THBS1: variants seen among roughly 807,000 people sequenced by gnomAD.
THBS1 encodes thrombospondin-1.
Under a neutral mutation model 126.1 loss-of-function variants are expected in THBS1, and 29 were observed. The ratio of observed to expected loss-of-function variants is 0.23; its 90% CI spans 0.17 to 0.31. The LOEUF is 0.31. THBS1 is among the 10% of genes least tolerant of loss of function. THBS1 has a pLI of 1.00. For synonymous variants in THBS1, 496 were observed against 577.8 expected, an observed-to-expected ratio of 0.86 and a Z score of 2.03; for missense variants, 1,198 against 1,545.2, an observed-to-expected ratio of 0.78 and a Z score of 3.77.
At position 39,582,270 on chromosome 15, in the gene THBS1, G is replaced by C; in HGVS notation, c.145G>C (p.Val49Leu). Reference protein sequence around the residue: ...AARKGSGRRLVKGPDPSSPAF... With the variant: ...AARKGSGRRLLKGPDPSSPAF... Reference sequence around the variant, plus strand: ...CCGCAAGGGGTCTGGGCGCCGACTGGTGAAGGGCCCCGACCCTTCCAGCCC... The same window carrying C: ...CCGCAAGGGGTCTGGGCGCCGACTGCTGAAGGGCCCCGACCCTTCCAGCCC... The change falls in exon 3 of 22, where the codon GTG becomes CTG. Residue 49 changes from valine (V) to leucine (L), a missense_variant. Physicochemically the swap from Val to Leu is conservative, Grantham distance 32. Coordinates refer to ENST00000260356, the MANE Select transcript of THBS1 (RefSeq NM_003246.4). 1 of 1,614,162 alleles carries C rather than the reference G, an allele frequency of 6.2e-7. No homozygotes were observed. Among genetic ancestry groups the C allele is most frequent in the Non-Finnish European group, 8.5e-7 (1 of 1,180,028 alleles).
chr15:39,588,350 A>T, intron 9 of THBS1, 132 bp downstream of exon 9: 3 of 1,310,054 alleles, frequency 2.3e-6, no homozygotes, highest in Non-Finnish European at 3.1e-6. Context: ...AAACAGAAGC[A>T]AAGTCCTGCA....
rs779396200 is a variant in THBS1 at position 39,587,487 on chromosome 15, C to T, written c.1261C>T (p.Arg421Trp). ...ATGTGAGGGCTCCTCGGTCCAGACACGGACCTGCCACATTCAGGAGTGTGA... is the reference window on the plus strand; with the variant it reads ...ATGTGAGGGCTCCTCGGTCCAGACATGGACCTGCCACATTCAGGAGTGTGA... ...NRCEGSSVQT[R>W]TCHIQECDKR... Residue 421 changes from arginine (R) to tryptophan (W), a missense_variant, in exon 8 of 22, where the codon CGG (arginine) becomes TGG (tryptophan). Transcript: ENST00000260356. 5.0e-6 allele frequency: 8 copies of T among 1,612,968 alleles called. No homozygotes were observed. The highest frequency in any genetic ancestry group is 1.7e-5 in the Admixed American group (1 of 59,950).
At position 39,584,193 on chromosome 15, in the gene THBS1, T is replaced by C. The variant is rs771581941; in HGVS notation, c.903+6T>C. The C allele has an allele frequency of 1.9e-6, 3 of 1,614,060 alleles. No homozygotes were observed. Among genetic ancestry groups the C allele is most frequent in the Non-Finnish European group, 2.5e-6 (3 of 1,179,916 alleles). ...AGGACAGCATCCGCAAAGTGGTCAG[T>C]GGCCTCTGCACCCAGCCCGTTAGCA... On this transcript the variant is annotated splice_donor_region_variant and intron_variant, in intron 5 of 21. Transcript: ENST00000260356.
Position 39,591,617 on chromosome 15 carries a change from G to A in THBS1, c.2526G>A (p.Pro842=), listed in dbSNP as rs150110244. ...QCDNCPLEHN[P]DQLDSDSDRI... ...ACAATTGCCCCTTGGAACACAATCC[G>A]GATCAGGTAGGTGGATGGACTCCTT... The change falls in exon 16 of 22, where the codon CCG becomes CCA. Residue 842 remains proline, a synonymous_variant. Transcript: ENST00000260356. 2.4e-5 allele frequency: 39 copies of A among 1,613,504 alleles called. No homozygotes were observed. Among genetic ancestry groups the A allele is most frequent in the Middle Eastern group, 1.6e-4 (1 of 6,082 alleles).
chr15:39,590,472 G>A (rs777005490), intron 13 of THBS1, 44 bp from the exon 14 acceptor site: 4 of 1,498,374 alleles, frequency 2.7e-6, no homozygotes, highest in South Asian at 2.4e-5. Flanking sequence ...AGCTCAGCAT[G>A]AGGAAGGCAA....
intron 8 of THBS1, among the ~76,000 whole-genome samples, chr15:39,587,736 A>G (rs1477897188): frequency 2.6e-5 from 4 of 152,186 alleles, no homozygotes; most frequent in Non-Finnish European, 1.5e-5. Context: ...TGATAAGTTT[A>G]TCTTGAGCAT....
rs983062437 is a variant in THBS1 at position 39,592,352 on chromosome 15, T to G, written c.2533-216T>G. ...ATGTAAAACATTTTTAAATTATCCC[T>G]TCTCAGATTTTTATACGAAAACAAA... is the stretch of plus-strand genomic sequence containing the variant. On this transcript the variant is annotated intron_variant, in intron 16 of 21. Coordinates refer to ENST00000260356, the MANE Select transcript of THBS1 (RefSeq NM_003246.4). The surrounding 1 kb of genome is among the most constrained non-coding windows in gnomAD (Gnocchi z 4.3). Among the ~76,000 whole-genome samples the G allele has an allele frequency of 6.6e-6, 1 of 152,226 alleles. No homozygotes were observed. Among genetic ancestry groups the G allele is most frequent in the African/African-American group, 2.4e-5 (1 of 41,464 alleles).
intron 6 of THBS1, among the ~76,000 whole-genome samples, chr15:39,584,769 T>C (rs1332770586): frequency 1.3e-5 from 2 of 152,152 alleles, no homozygotes; most frequent in African/African-American, 4.8e-5. Flanking sequence ...CTGATTTATA[T>C]TCAGCTTTGG....
Position 39,593,723 on chromosome 15 carries a change from T to A in THBS1, c.3267+55T>A. On this transcript the variant is annotated intron_variant, in intron 19 of 21. Coordinates refer to ENST00000260356, the MANE Select transcript of THBS1 (RefSeq NM_003246.4). The surrounding 1 kb of genome is among the most constrained non-coding windows in gnomAD (Gnocchi z 5.9). ...GAGCTTATGGGTGCCTGACTAGCAC[T>A]GGGGATGCTGTGCTTTGACCAAGAC... 6.3e-7 allele frequency: 1 copy of A among 1,584,940 alleles called. No homozygotes were observed. The highest frequency in any genetic ancestry group is 8.6e-7 in the Non-Finnish European group (1 of 1,165,212).
At chr15:39,590,110 T>C (rs1890298836) in intron 13 of THBS1, 87 bp downstream of exon 13, 1 of 1,208,192 alleles carries the variant, frequency 8.3e-7, no homozygotes, top group Non-Finnish European at 1.1e-6. Flanking sequence ...TACTTAAAGT[T>C]TGGACATGAA....
At position 39,584,155 on chromosome 15, in the gene THBS1, G is replaced by A; in HGVS notation, c.871G>A (p.Val291Met). The A allele has an allele frequency of 6.2e-7, 1 of 1,614,194 alleles. No homozygotes were observed. Among genetic ancestry groups the A allele is most frequent in the Non-Finnish European group, 8.5e-7 (1 of 1,180,030 alleles). ...GGAACTCAGGGGCCTGCGCACCATT[G>A]TGACCACGCTGCAGGACAGCATCCG... ...VLELRGLRTI[V>M]TTLQDSIRKV... The change falls in exon 5 of 22, where the codon GTG becomes ATG. Residue 291 changes from valine (V) to methionine (M), a missense_variant. Coordinates refer to ENST00000260356, the MANE Select transcript of THBS1 (RefSeq NM_003246.4).
Position 39,593,501 on chromosome 15 carries a change from C to T in THBS1, c.3100C>T (p.Arg1034Cys). Residue 1034 changes from arginine (R) to cysteine (C), a missense_variant, in exon 19 of 22, where the codon CGC becomes TGC. By Grantham distance (180) the Arg-to-Cys change is radical. Transcript: ENST00000260356. This position sits in a 1 kb window ranked among gnomAD's most constrained non-coding sequence, Gnocchi z 5.9. ...TGTCTTTGGCTACCAGTCCAGCAGC[C>T]GCTTTTATGTTGTGATGTGGAAGCA... Reference protein sequence around the residue: ...GFVFGYQSSSRFYVVMWKQVT... With the variant: ...GFVFGYQSSSCFYVVMWKQVT... 2 of 1,614,182 alleles carry T rather than the reference C, an allele frequency of 1.2e-6. No individual in the cohort carries two copies. Among genetic ancestry groups the T allele is most frequent in the East Asian group, 2.2e-5 (1 of 44,882 alleles).
chr15:39,587,239 A>G, intron 7 of THBS1, 108 bp from the exon 8 acceptor site: 1 of 1,096,140 alleles, frequency 9.1e-7, no homozygotes, highest in East Asian at 2.5e-5. Flanking sequence ...AAAGAAATAA[A>G]TATATTGCTT....
chr15:39,588,024 A>G lies in THBS1; in HGVS notation c.1295-18A>G. 6.2e-7 allele frequency: 1 copy of G among 1,610,328 alleles called. No individual in the cohort carries two copies. The highest frequency in any genetic ancestry group is 8.5e-7 in the Non-Finnish European group (1 of 1,177,812). On this transcript the variant is annotated intron_variant, in intron 8 of 21. Transcript: ENST00000260356. ...CTCTAAGCCAAAACCATTTGTGACC[A>G]TCAACTCTGTACTTTAGTTAAACAG... is the stretch of plus-strand genomic sequence containing the variant.
Position 39,595,434 on chromosome 15 carries a change from TG to T in THBS1, c.*68del. ...GCTGGTATTGCACCTTCTGGAACTA[TG>T]GGCTTGAGAAAACCCCCAGGATCAC... is the stretch of plus-strand genomic sequence containing the variant. On this transcript the variant is annotated 3_prime_UTR_variant, in exon 22 of 22. Coordinates refer to ENST00000260356, the MANE Select transcript of THBS1 (RefSeq NM_003246.4). 1 of 1,484,044 alleles carries T rather than the reference TG, an allele frequency of 6.7e-7. No homozygotes were observed. Among genetic ancestry groups the T allele is most frequent in the Non-Finnish European group, 9.0e-7 (1 of 1,115,688 alleles). The allele number at this position is 1,484,044 out of a possible 1,614,324, so 91.9% of individuals were successfully genotyped here. A position where few individuals can be genotyped will look rare whatever the true frequency, so the allele number is the denominator to read the frequency against.
At chr15:39,583,885 A>T in intron 4 of THBS1, 103 bp from the exon 5 acceptor site, 1 of 1,422,632 alleles carries the variant, frequency 7.0e-7, no homozygotes, top group Non-Finnish European at 9.7e-7. Flanking sequence ...CAACCCCTCT[A>T]CCTGCATCCT....
chr15:39,582,702 A>G lies in THBS1; in HGVS notation c.577A>G (p.Ser193Gly), dbSNP rs1213107604. ...IQSVFTRDLA[S>G]IARLRIAKGG... ...AAGCGTCTTCACCAGAGACCTGGCC[A>G]GCATCGCCAGACTCCGCATCGCAAA... is the stretch of plus-strand genomic sequence containing the variant. Residue 193 changes from serine (S) to glycine (G), a missense_variant, in exon 3 of 22, where the codon AGC becomes GGC. Physicochemically the swap from Ser to Gly is moderately conservative, Grantham distance 56. Transcript: ENST00000260356. 5 of 1,613,464 alleles carry G rather than the reference A, an allele frequency of 3.1e-6. No homozygotes were observed. The highest frequency in any genetic ancestry group is 1.1e-5 in the South Asian group (1 of 91,078).
In THBS1 at chr15:39,592,587, G is replaced by T. The variant is rs746481802; in HGVS notation, c.2552G>T (p.Arg851Leu). 6.2e-7 allele frequency: 1 copy of T among 1,613,250 alleles called. No homozygotes were observed. Among genetic ancestry groups the T allele is most frequent in the Non-Finnish European group, 8.5e-7 (1 of 1,179,600 alleles). Residue 851 changes from arginine (R) to leucine (L), a missense_variant, in exon 17 of 22, where the codon CGC (arginine) becomes CTC (leucine). Physicochemically the swap from Arg to Leu is moderately radical, Grantham distance 102. Transcript: ENST00000260356. The surrounding 1 kb of genome is among the most constrained non-coding windows in gnomAD (Gnocchi z 4.3). ...TTTCAGCTGGACTCTGACTCAGACC[G>T]CATTGGAGATACCTGTGACAACAAT... is the stretch of plus-strand genomic sequence containing the variant. ...NPDQLDSDSDRIGDTCDNNQD... is the reference protein window; with the variant it reads ...NPDQLDSDSDLIGDTCDNNQD...
intron 1 of THBS1, 105 bp downstream of exon 1, chr15:39,581,333 C>T (rs1243720663): frequency 1.3e-5 from 2 of 153,592 alleles, no homozygotes; most frequent in South Asian, 2.0e-4. Context: ...TACACTCTCC[C>T]CGCTCGCCTA....
Sources: gnomAD v4.1 joint callset for allele counts (sites outside exome capture counted in the v4.1 genomes callset) on GRCh38, gnomAD v4.1.1 for gene constraint, Gnocchi (gnomAD v3.1) non-coding constraint, MANE v1.5 for transcripts, NCBI Gene and HGNC (gene_info 2026-07-23, HGNC 2026-07-21) for gene names.